The following RHOJ variants were observed in gnomAD, a reference collection of about 807,000 sequenced individuals.
RHOJ encodes rho-related GTP-binding protein RhoJ.
Under a neutral mutation model 23.4 loss-of-function variants are expected in RHOJ, and 11 were observed. That is an observed-to-expected ratio of 0.47 (90% CI 0.30 to 0.78). RHOJ has a LOEUF of 0.78. Ranked by LOEUF, RHOJ falls within the 30% of genes least tolerant of loss-of-function variation. The pLI, the probability that RHOJ is intolerant of heterozygous loss-of-function variation, is 0.08. For synonymous variants in RHOJ, 102 were observed against 102.7 expected (o/e 0.99, Z 0.04); for missense variants, 254 against 273.4 (o/e 0.93, Z 0.50).
At chr14:63,226,588 T>C (rs1286262773) in intron 1 of RHOJ, among the ~76,000 whole-genome samples, 2 of 150,704 alleles carry the variant, frequency 1.3e-5, no homozygotes, top group Admixed American at 6.6e-5. Context: ...AATAAAACTA[T>C]ATATACAAGA....
chr14:63,206,946 T>C (rs1894123516), intron 1 of RHOJ, among the ~76,000 whole-genome samples: 1 of 152,152 alleles, frequency 6.6e-6, no homozygotes, highest in Non-Finnish European at 1.5e-5. Flanking sequence ...TCGTCTCATG[T>C]GGTTTCAGTA....
chr14:63,268,443 C>T (rs574331104), intron 1 of RHOJ, among the ~76,000 whole-genome samples: 8 of 152,242 alleles, frequency 5.3e-5, no homozygotes, highest in Admixed American at 6.5e-5. Flanking sequence ...ACCCTCTAAG[C>T]GCCCTTTATG....
At chr14:63,218,156 G>A (rs1308433041) in intron 1 of RHOJ, among the ~76,000 whole-genome samples, 2 of 152,084 alleles carry the variant, frequency 1.3e-5, no homozygotes, top group Admixed American at 6.6e-5. Flanking sequence ...CAAAAGACAG[G>A]ATTTCTTTAG....
At chr14:63,280,254 G>T (rs1566629827) in intron 2 of RHOJ, among the ~76,000 whole-genome samples, 3 of 152,132 alleles carry the variant, frequency 2.0e-5, no homozygotes, top group Non-Finnish European at 2.9e-5. Flanking sequence ...CAAGCTCAAG[G>T]AATCAGGTGA....
chr14:63,266,156 A>G (rs1234028471), intron 1 of RHOJ, among the ~76,000 whole-genome samples: 1 of 152,204 alleles, frequency 6.6e-6, no homozygotes, highest in African/African-American at 2.4e-5. Context: ...AAATATCTCA[A>G]AGATATTTTA....
At chr14:63,258,496 A>C (rs11847980) in intron 1 of RHOJ, among the ~76,000 whole-genome samples, 21,172 of 151,902 alleles carry the variant, frequency 0.14, 2,231 homozygotes, top group African/African-American at 0.29. Flanking sequence ...TTGGGACTAC[A>C]AGAAAAAGTA....
intron 1 of RHOJ, among the ~76,000 whole-genome samples, chr14:63,221,187 G>A (rs574497184): frequency 1.3e-5 from 2 of 152,170 alleles, no homozygotes; most frequent in African/African-American, 2.4e-5. Context: ...TAAATGAACC[G>A]GATGTGGTGG....
At chr14:63,263,431 T>C (rs1895308382) in intron 1 of RHOJ, among the ~76,000 whole-genome samples, 1 of 152,230 alleles carries the variant, frequency 6.6e-6, no homozygotes, top group African/African-American at 2.4e-5. Flanking sequence ...CCCTCAATGT[T>C]TGATTGACAT....
chr14:63,210,724 A>C (rs895511970), intron 1 of RHOJ, among the ~76,000 whole-genome samples: 1 of 152,350 alleles, frequency 6.6e-6, no homozygotes, highest in Middle Eastern at 3.4e-3. Context: ...GACATATAGC[A>C]TAAGGATAAG....
intron 1 of RHOJ, among the ~76,000 whole-genome samples, chr14:63,223,842 CTT>C (rs1407249464): frequency 1.3e-5 from 2 of 152,096 alleles, no homozygotes; most frequent in African/African-American, 4.8e-5. Flanking sequence ...CATGAAAGCT[CTT>C]TAAAAGTTTT....
intron 2 of RHOJ, among the ~76,000 whole-genome samples, chr14:63,277,291 G>A (rs1029718358): frequency 6.6e-6 from 1 of 152,190 alleles, no homozygotes; most frequent in South Asian, 2.1e-4. Context: ...ACATACATAA[G>A]AGTTTGAAAC....
At position 63,263,984 on chromosome 14, in the gene RHOJ, C is replaced by CTT. The variant is rs34629316; in HGVS notation, c.179-5116_179-5115dup. Among the ~76,000 whole-genome samples the CTT allele has an allele frequency of 9.6e-4, 140 of 146,350 alleles. 1 individual carries two copies. Among genetic ancestry groups the CTT allele is most frequent in the African/African-American group, 2.7e-3 (106 of 39,964 alleles). On this transcript the variant is annotated intron_variant, in intron 1 of 4. Coordinates refer to ENST00000316754, the MANE Select transcript of RHOJ (RefSeq NM_020663.5). ...CACCCCCTCCTCCAGAAAGCCTTTT[C>CTT]TTTTTTTTTTTAATTTCAACTTTTA...
At chr14:63,215,884 T>C (rs896547353) in intron 1 of RHOJ, among the ~76,000 whole-genome samples, 9 of 152,156 alleles carry the variant, frequency 5.9e-5, no homozygotes, top group Admixed American at 4.6e-4. Flanking sequence ...TACAACATAA[T>C]AGCCACCCGG....
intron 1 of RHOJ, among the ~76,000 whole-genome samples, chr14:63,215,485 C>G (rs952847702): frequency 6.6e-6 from 1 of 152,230 alleles, no homozygotes; most frequent in African/African-American, 2.4e-5. Flanking sequence ...CAGCAAGTTA[C>G]TTAATTAGCT....
At chr14:63,244,519 G>A (rs1374041218) in intron 1 of RHOJ, among the ~76,000 whole-genome samples, 1 of 152,076 alleles carries the variant, frequency 6.6e-6, no homozygotes, top group African/African-American at 2.4e-5. Context: ...CAAAGGTTGT[G>A]GTGAGCCGAG....
intron 1 of RHOJ, among the ~76,000 whole-genome samples, chr14:63,253,243 C>A (rs1304155957): frequency 6.6e-6 from 1 of 152,162 alleles, no homozygotes; most frequent in Non-Finnish European, 1.5e-5. Context: ...AGTACACTTC[C>A]CTGAATGCTT....
At chr14:63,246,798 C>T (rs188539408) in intron 1 of RHOJ, among the ~76,000 whole-genome samples, 17 of 152,198 alleles carry the variant, frequency 1.1e-4, no homozygotes, top group African/African-American at 3.6e-4. Flanking sequence ...TGTGAGCCAG[C>T]CTAGGAATCT....
At chr14:63,248,151 G>T (rs1291793052) in intron 1 of RHOJ, among the ~76,000 whole-genome samples, 1 of 152,124 alleles carries the variant, frequency 6.6e-6, no homozygotes, top group African/African-American at 2.4e-5. Context: ...TTAAGATATG[G>T]ATCTTTGACT....
At chr14:63,264,102 A>G (rs978331121) in intron 1 of RHOJ, among the ~76,000 whole-genome samples, 3 of 151,882 alleles carry the variant, frequency 2.0e-5, no homozygotes, top group Non-Finnish European at 4.4e-5. Context: ...TCACCTGAGT[A>G]CTATGCTTAC....
Sources: allele counts gnomAD v4.1 joint callset (sites outside exome capture counted in the v4.1 genomes callset), GRCh38; gene constraint gnomAD v4.1.1; transcripts MANE v1.5; gene names NCBI Gene and HGNC (gene_info 2026-07-23, HGNC 2026-07-21).